The following ADGRB3 variants were observed in gnomAD, a reference collection of about 807,000 sequenced individuals.
ADGRB3 encodes adhesion G protein-coupled receptor B3.
Under a neutral mutation model 193.4 loss-of-function variants are expected in ADGRB3, and 37 were observed. That is an observed-to-expected ratio of 0.19 (90% CI 0.15 to 0.25). The LOEUF (loss-of-function observed/expected upper bound fraction) is 0.25, where lower values mean the gene tolerates loss of function less well. ADGRB3 is among the 10% of genes least tolerant of loss of function. The probability of loss-of-function intolerance (pLI) is 1.00; values close to 1 mark genes in which losing one functional copy is unlikely to be tolerated. For missense variants in ADGRB3, 1,637 were observed against 1,852.9 expected (o/e 0.88, Z 2.14); for synonymous variants, 690 against 644.2 (o/e 1.07, Z -1.08).
chr6:68,655,358 TG>T (rs1768467934), intron 3 of ADGRB3, among the ~76,000 whole-genome samples: 1 of 151,606 alleles, frequency 6.6e-6, no homozygotes, highest in Non-Finnish European at 1.5e-5. Flanking sequence ...GTGAAATAAT[TG>T]GAAGACTGAA....
In ADGRB3 at chr6:68,730,317, G is replaced by A. The variant is rs1036217780; in HGVS notation, c.757+90885G>A. On this transcript the variant is annotated intron_variant, in intron 3 of 31. Transcript: ENST00000370598. ...AGGGAAAACAAAATAAATCCAATAA[G>A]GGGAATAACACTTTATGTATGTATA... Among the ~76,000 whole-genome samples, 9 of 151,430 alleles carry A rather than the reference G, an allele frequency of 5.9e-5. No individual in the cohort carries two copies. The South Asian group carries it at 1.2e-3, about 21-fold the overall frequency.
At chr6:69,047,053 G>T (rs1771257697) in intron 13 of ADGRB3, among the ~76,000 whole-genome samples, 1 of 152,094 alleles carries the variant, frequency 6.6e-6, no homozygotes, top group Admixed American at 6.6e-5. Flanking sequence ...TAGAGATGGG[G>T]TTTCACCATG....
At position 69,330,587 on chromosome 6, in the gene ADGRB3, C is replaced by A; in HGVS notation, c.3102+15C>A. 6.3e-7 allele frequency: 1 copy of A among 1,582,180 alleles called. No homozygotes were observed. Among genetic ancestry groups the A allele is most frequent in the Non-Finnish European group, 8.6e-7 (1 of 1,162,514 alleles). The stretch of plus-strand genomic sequence containing the variant: ...CTGTTGTCCTGGTAAACATCAAAAT[C>A]AACCTATTTTGTTTTCTTAGGAAAA... On this transcript the variant is annotated intron_variant, in intron 23 of 31. Coordinates refer to ENST00000370598, the MANE Select transcript of ADGRB3 (RefSeq NM_001704.3).
chr6:68,687,589 T>C (rs1765005936), intron 3 of ADGRB3, among the ~76,000 whole-genome samples: 1 of 152,212 alleles, frequency 6.6e-6, no homozygotes, highest in African/African-American at 2.4e-5. Flanking sequence ...CATACTTGTT[T>C]CTATTGCCTT....
chr6:69,216,364 C>G (rs1765772209), intron 17 of ADGRB3, among the ~76,000 whole-genome samples: 1 of 152,032 alleles, frequency 6.6e-6, no homozygotes, highest in South Asian at 2.1e-4. Flanking sequence ...ATCAAAAAGC[C>G]AAGTAATGTA....
chr6:69,243,673 A>G (rs1248517617), intron 20 of ADGRB3, among the ~76,000 whole-genome samples: 1 of 151,992 alleles, frequency 6.6e-6, no homozygotes, highest in Non-Finnish European at 1.5e-5. Flanking sequence ...TAGTTCACCA[A>G]TAAAGACTAA....
chr6:68,825,942 TA>T (rs1269753410), intron 3 of ADGRB3, among the ~76,000 whole-genome samples: 1 of 152,084 alleles, frequency 6.6e-6, no homozygotes, highest in Non-Finnish European at 1.5e-5. Flanking sequence ...CTTTTTACAA[TA>T]ACTTCTTAGG....
At chr6:68,935,278 G>A (rs1280231900) in intron 4 of ADGRB3, among the ~76,000 whole-genome samples, 1 of 152,182 alleles carries the variant, frequency 6.6e-6, no homozygotes. Context: ...GAGAAAATCT[G>A]TGTGTTGAAT....
chr6:68,990,737 G>C (rs894607775), intron 10 of ADGRB3, among the ~76,000 whole-genome samples: 12 of 152,142 alleles, frequency 7.9e-5, no homozygotes, highest in Non-Finnish European at 2.9e-5. Flanking sequence ...ATCTGTACAA[G>C]TTAAATCCCT....
In ADGRB3 at chr6:69,278,853, A is replaced by G. The variant is rs184327272; in HGVS notation, c.2814+39627A>G. Among the ~76,000 whole-genome samples the G allele has an allele frequency of 3.3e-5, 5 of 152,038 alleles. No homozygotes were observed. The East Asian group carries it at 9.7e-4, about 29-fold the overall frequency. ...GAGAATTAAAGATAATACAAAATAT[A>G]CATAACCAATACCTGGCATAGAGGA... is the stretch of plus-strand genomic sequence containing the variant. On this transcript the variant is annotated intron_variant, in intron 20 of 31. Coordinates refer to ENST00000370598, the MANE Select transcript of ADGRB3 (RefSeq NM_001704.3).
At chr6:69,255,650 G>A (rs1766748599) in intron 20 of ADGRB3, among the ~76,000 whole-genome samples, 2 of 152,118 alleles carry the variant, frequency 1.3e-5, no homozygotes, top group Admixed American at 1.3e-4. Flanking sequence ...CATTTTGTGG[G>A]TTGCCTGTTC....
At chr6:69,246,585 C>T (rs933948411) in intron 20 of ADGRB3, among the ~76,000 whole-genome samples, 1 of 152,176 alleles carries the variant, frequency 6.6e-6, no homozygotes, top group African/African-American at 2.4e-5. Context: ...CTATAACCTC[C>T]TAGTCCCTTG....
intron 4 of ADGRB3, 38 bp downstream of exon 4, chr6:68,930,707 A>G: frequency 7.2e-7 from 1 of 1,394,500 alleles, no homozygotes; most frequent in Non-Finnish European, 1.0e-6. Context: ...TATTGTTGTT[A>G]ATTTAATGAA....
intron 3 of ADGRB3, among the ~76,000 whole-genome samples, chr6:68,640,302 G>A (rs1024513607): frequency 1.1e-4 from 16 of 152,216 alleles, no homozygotes; most frequent in Admixed American, 1.0e-3. Context: ...CAACGGAAAT[G>A]CGGAAGAAAA....
chr6:69,180,764 G>A (rs977785597), intron 17 of ADGRB3, among the ~76,000 whole-genome samples: 2 of 152,118 alleles, frequency 1.3e-5, no homozygotes, highest in African/African-American at 4.8e-5. Flanking sequence ...CCACAGTTCT[G>A]GCTGTGGAGG....
Position 68,821,760 on chromosome 6 carries a change from T to C in ADGRB3, c.758-108799T>C, listed in dbSNP as rs1048959459. On this transcript the variant is annotated intron_variant, in intron 3 of 31. Transcript: ENST00000370598. ...CATTGTTCTATTTAAACTTTTGTGGTATTAATTAATTTATTTACACATTTC... is the reference window on the plus strand; with the variant it reads ...CATTGTTCTATTTAAACTTTTGTGGCATTAATTAATTTATTTACACATTTC... Among the ~76,000 whole-genome samples, 5 of 152,032 alleles carry C rather than the reference T, an allele frequency of 3.3e-5. No homozygotes were observed. The East Asian group carries it at 9.6e-4, about 29-fold the overall frequency.
chr6:69,235,112 A>G lies in ADGRB3; in HGVS notation c.2688A>G (p.Ala896=). ...GLSCLALITL[A]VVYAALWRYI... ...CTTGCTTGGCCTTGATTACCCTAGC[A>G]GTTGTCTATGCAGCATTATGGAGGT... The change falls in exon 19 of 32, where the codon GCA becomes GCG. Residue 896 remains alanine, a synonymous_variant. Coordinates refer to ENST00000370598, the MANE Select transcript of ADGRB3 (RefSeq NM_001704.3). 6.2e-7 allele frequency: 1 copy of G among 1,610,810 alleles called. No individual in the cohort carries two copies. Among genetic ancestry groups the G allele is most frequent in the Non-Finnish European group, 8.5e-7 (1 of 1,177,094 alleles).
At chr6:68,786,357 C>T (rs923136256) in intron 3 of ADGRB3, among the ~76,000 whole-genome samples, 3 of 152,186 alleles carry the variant, frequency 2.0e-5, no homozygotes, top group African/African-American at 7.2e-5. Context: ...GATCCAGTTT[C>T]AGCTTTCTAC....
intron 3 of ADGRB3, among the ~76,000 whole-genome samples, chr6:68,756,613 G>A (rs779296850): frequency 4.6e-5 from 7 of 152,038 alleles, no homozygotes; most frequent in Non-Finnish European, 8.8e-5. Flanking sequence ...AAAAAATGAC[G>A]CGGGGCATGC....
Sources: gnomAD v4.1 joint callset for allele counts (sites outside exome capture counted in the v4.1 genomes callset) on GRCh38, gnomAD v4.1.1 for gene constraint, MANE v1.5 for transcripts, NCBI Gene and HGNC (gene_info 2026-07-23, HGNC 2026-07-21) for gene names.